WDR70: variants seen among roughly 807,000 people sequenced by gnomAD.
WDR70 encodes the protein WD repeat-containing protein 70.
Under a neutral mutation model 88.6 loss-of-function variants are expected in WDR70, and 53 were observed. The observed-to-expected ratio is 0.60, with a 90% CI of 0.48 to 0.75. WDR70 has a LOEUF of 0.75. Among genes scored for constraint, WDR70 ranks in the 30% least tolerant of loss-of-function variants. The pLI is 0.00. For missense variants in WDR70, 610 were observed against 823.2 expected (o/e 0.74, Z 3.17); for synonymous variants, 280 against 270.0 (o/e 1.04, Z -0.36).
intron 10 of WDR70, among the ~76,000 whole-genome samples, chr5:37,605,765 A>G (rs1299117034): frequency 6.6e-6 from 1 of 152,168 alleles, no homozygotes; most frequent in Non-Finnish European, 1.5e-5. Context: ...AGTAGAATAA[A>G]TAAAGTTTGG....
At chr5:37,481,588 G>T (rs962279780) in intron 8 of WDR70, among the ~76,000 whole-genome samples, 29 of 152,206 alleles carry the variant, frequency 1.9e-4, no homozygotes, top group African/African-American at 7.0e-4. Flanking sequence ...ACAGCAGGGG[G>T]TTCTGGACCC....
At chr5:37,701,276 T>C in intron 12 of WDR70, 134 bp downstream of exon 12, 1 of 590,932 alleles carries the variant, frequency 1.7e-6, no homozygotes, top group Non-Finnish European at 2.8e-6. Flanking sequence ...CAAAATCTGT[T>C]TTTTGAAAAA....
chr5:37,673,717 G>C (rs1746104471), intron 10 of WDR70, among the ~76,000 whole-genome samples: 1 of 151,646 alleles, frequency 6.6e-6, no homozygotes, highest in Non-Finnish European at 1.5e-5. Context: ...CCAACACACA[G>C]ATACTAAGTC....
At chr5:37,413,720 C>CAA (rs746817084) in intron 5 of WDR70, among the ~76,000 whole-genome samples, 1,847 of 107,850 alleles carry the variant, frequency 0.017, 42 homozygotes, top group Admixed American at 0.044. Flanking sequence ...GACTCTGTCT[C>CAA]AAAAAAAAAA....
intron 9 of WDR70, among the ~76,000 whole-genome samples, chr5:37,538,646 C>A (rs1561893618): frequency 6.6e-6 from 1 of 152,034 alleles, no homozygotes; most frequent in African/African-American, 2.4e-5. Flanking sequence ...CTTTTTAATT[C>A]CAGGAGTTTC....
At chr5:37,533,973 G>A (rs1245144839) in intron 9 of WDR70, among the ~76,000 whole-genome samples, 2 of 152,130 alleles carry the variant, frequency 1.3e-5, no homozygotes, top group African/African-American at 2.4e-5. Flanking sequence ...ACAGTTTTTC[G>A]GTGACTCAGG....
In WDR70 at chr5:37,568,051, T is replaced by C. The variant is rs562977262; in HGVS notation, c.918-37013T>C. ...GTTGCTGAAAAATACCTCACTGATATCAGTTTGCATAAATAAAAGTTTTCA... is the reference window on the plus strand; with the variant it reads ...GTTGCTGAAAAATACCTCACTGATACCAGTTTGCATAAATAAAAGTTTTCA... On this transcript the variant is annotated intron_variant, in intron 9 of 17. Coordinates refer to ENST00000265107, the MANE Select transcript of WDR70 (RefSeq NM_018034.4). Among the ~76,000 whole-genome samples, 16 of 152,310 alleles carry C rather than the reference T, an allele frequency of 1.1e-4. No individual in the cohort carries two copies. In the South Asian group the frequency reaches 1.7e-3, roughly 16 times the overall value.
intron 9 of WDR70, among the ~76,000 whole-genome samples, chr5:37,569,732 C>T (rs1244083276): frequency 1.3e-5 from 2 of 152,094 alleles, no homozygotes; most frequent in Admixed American, 1.3e-4. Flanking sequence ...GGCTACTAAA[C>T]AGCAAGGTAA....
Position 37,752,883 on chromosome 5 carries a change from A to G in WDR70, c.*310A>G, listed in dbSNP as rs2112753787. On this transcript the variant is annotated 3_prime_UTR_variant, in exon 18 of 18. Transcript: ENST00000265107. ...CCAGATTCTCATAACCTTAGAGAGG[A>G]AAATGTACATTAAGATGTGCATCTG... is the stretch of plus-strand genomic sequence containing the variant. The G allele has an allele frequency of 4.7e-6, 1 of 212,574 alleles. No homozygotes were observed. The highest frequency in any genetic ancestry group is 9.2e-6 in the Non-Finnish European group (1 of 109,054). The allele number at this position is 212,574 out of a possible 1,614,324, so 13.2% of individuals were successfully genotyped here.
chr5:37,608,115 C>T (rs1197656462), intron 10 of WDR70, among the ~76,000 whole-genome samples: 3 of 146,736 alleles, frequency 2.0e-5, no homozygotes, highest in Non-Finnish European at 4.4e-5. Context: ...AATCTTGGCT[C>T]ACTGCTACCT....
chr5:37,679,316 TAG>T (rs1157954297), intron 10 of WDR70, among the ~76,000 whole-genome samples: 3 of 151,984 alleles, frequency 2.0e-5, no homozygotes, highest in African/African-American at 4.8e-5. Flanking sequence ...CCCTGCTTTT[TAG>T]AGTTTCCAGT....
chr5:37,654,680 C>T (rs1745501257), intron 10 of WDR70, among the ~76,000 whole-genome samples: 1 of 152,134 alleles, frequency 6.6e-6, no homozygotes, highest in Non-Finnish European at 1.5e-5. Flanking sequence ...TTGCATTGAT[C>T]AATCCCTTTA....
chr5:37,418,494 T>G (rs941154842), intron 5 of WDR70, among the ~76,000 whole-genome samples: 2 of 152,008 alleles, frequency 1.3e-5, no homozygotes, highest in African/African-American at 4.8e-5. Flanking sequence ...TAATTTTTTC[T>G]ATTTTTTAGT....
At chr5:37,577,562 G>A (rs543565157) in intron 9 of WDR70, among the ~76,000 whole-genome samples, 1 of 152,264 alleles carries the variant, frequency 6.6e-6, no homozygotes, top group Admixed American at 6.5e-5. Flanking sequence ...CTTTCCCAGG[G>A]AGATAATGTT....
chr5:37,474,424 T>A (rs1193267899), intron 7 of WDR70, among the ~76,000 whole-genome samples: 1 of 152,228 alleles, frequency 6.6e-6, no homozygotes, highest in Non-Finnish European at 1.5e-5. Context: ...CCGAGTGTGA[T>A]TGTAGATTTG....
chr5:37,680,435 G>A (rs77045689), intron 10 of WDR70, among the ~76,000 whole-genome samples: 3,196 of 152,162 alleles, frequency 0.021, 127 homozygotes, highest in African/African-American at 0.072. Context: ...TGCTTCTGTC[G>A]CGATTGCTTT....
chr5:37,521,853 T>A (rs182798083), intron 9 of WDR70, among the ~76,000 whole-genome samples: 1 of 152,296 alleles, frequency 6.6e-6, no homozygotes, highest in Admixed American at 6.5e-5. Flanking sequence ...CTTTTTTGCA[T>A]AATGACTTCT....
At chr5:37,735,430 A>G (rs1437118348) in intron 17 of WDR70, among the ~76,000 whole-genome samples, 1 of 152,138 alleles carries the variant, frequency 6.6e-6, no homozygotes, top group East Asian at 1.9e-4. Flanking sequence ...GCAATTAACA[A>G]TGACTGAAAC....
At chr5:37,661,583 CA>C (rs1305278775) in intron 10 of WDR70, among the ~76,000 whole-genome samples, 1 of 152,164 alleles carries the variant, frequency 6.6e-6, no homozygotes, top group Non-Finnish European at 1.5e-5. Context: ...TCTCTTCAAG[CA>C]TTCGGGGATC....
Sources: gnomAD v4.1 joint callset for allele counts (sites outside exome capture counted in the v4.1 genomes callset) on GRCh38, gnomAD v4.1.1 for gene constraint, MANE v1.5 for transcripts, NCBI Gene and HGNC (gene_info 2026-07-23, HGNC 2026-07-21) for gene names.